ZC3H12B: variants seen among roughly 807,000 people sequenced by gnomAD.
ZC3H12B encodes the protein zinc finger CCCH-type containing 12B.
ZC3H12B carries 7 observed loss-of-function variants against 43.9 expected under a neutral mutation model. The ratio of observed to expected loss-of-function variants is 0.16; its 90% CI spans 0.09 to 0.30. The LOEUF is 0.30. Among genes scored for constraint, ZC3H12B ranks in the 10% least tolerant of loss-of-function variants. The probability of loss-of-function intolerance (pLI) is 1.00; values close to 1 mark genes in which losing one functional copy is unlikely to be tolerated. For missense variants in ZC3H12B, 475 were observed against 670.2 expected, an observed-to-expected ratio of 0.71 and a Z score of 3.22; for synonymous variants, 222 against 241.7, an observed-to-expected ratio of 0.92 and a Z score of 0.76.
At chrX:65,170,056 G>A in the ZC3H12B span, among the ~76,000 whole-genome samples, 1 of 111,868 alleles carries the variant, frequency 8.9e-6, no homozygotes, top group Non-Finnish European at 1.9e-5. Context: ...ATTGTTATGT[G>A]TGAATTTGAT....
intron 3 of ZC3H12B, among the ~76,000 whole-genome samples, chrX:65,467,578 A>G (rs1249570120): frequency 8.9e-6 from 1 of 112,329 alleles, no homozygotes; most frequent in Non-Finnish European, 1.9e-5. Flanking sequence ...GCAGCATATA[A>G]GCATTCTCTT....
the ZC3H12B span, among the ~76,000 whole-genome samples, chrX:65,097,764 AGAGT>A: frequency 3.6e-5 from 4 of 112,094 alleles, no homozygotes; most frequent in African/African-American, 1.3e-4. Context: ...TATTTTAAAA[AGAGT>A]GAGCCCATTA....
intron 3 of ZC3H12B, among the ~76,000 whole-genome samples, chrX:65,407,094 A>G (rs1602392463): frequency 1.8e-5 from 2 of 112,973 alleles, no homozygotes; most frequent in African/African-American, 6.4e-5. Flanking sequence ...ACCGAGGAAG[A>G]AAAGAAAGAA....
the ZC3H12B span, among the ~76,000 whole-genome samples, chrX:65,100,162 A>G: frequency 2.7e-4 from 30 of 111,504 alleles, no homozygotes; most frequent in Non-Finnish European, 2.3e-4. Flanking sequence ...TTAATGAAAT[A>G]AAGCATGAAG....
intron 2 of ZC3H12B, among the ~76,000 whole-genome samples, chrX:65,391,333 T>C (rs915850768): frequency 8.9e-6 from 1 of 112,592 alleles, no homozygotes; most frequent in African/African-American, 3.2e-5. Flanking sequence ...TACAGGCACA[T>C]TTACTGTTTC....
chrX:65,126,778 A>G, the ZC3H12B span, among the ~76,000 whole-genome samples: 201 of 105,323 alleles, frequency 1.9e-3, 1 homozygote, highest in African/African-American at 6.6e-3. Context: ...TGCTTGTTCA[A>G]TTCTATTGCT....
At chrX:65,299,865 C>T in the ZC3H12B span, among the ~76,000 whole-genome samples, 1 of 112,415 alleles carries the variant, frequency 8.9e-6, no homozygotes, top group East Asian at 2.8e-4. Context: ...ACGTCTACTC[C>T]CAAACACACA....
chrX:65,234,962 G>C, the ZC3H12B span, among the ~76,000 whole-genome samples: 1 of 112,008 alleles, frequency 8.9e-6, no homozygotes, highest in Non-Finnish European at 1.9e-5. Context: ...TGTTACTGCT[G>C]TTAGTTTGCT....
chrX:65,101,762 C>A, the ZC3H12B span, among the ~76,000 whole-genome samples: 7 of 111,721 alleles, frequency 6.3e-5, no homozygotes, highest in African/African-American at 2.3e-4. Context: ...ACCTACCAAC[C>A]AAAAAAGCCA....
chrX:65,425,875 G>A (rs1332338400), intron 3 of ZC3H12B, among the ~76,000 whole-genome samples: 1 of 111,528 alleles, frequency 9.0e-6, no homozygotes, highest in African/African-American at 3.3e-5. Flanking sequence ...GTGCTTTACT[G>A]AGGATTTTTG....
chrX:65,159,130 A>G, the ZC3H12B span, among the ~76,000 whole-genome samples: 6 of 111,567 alleles, frequency 5.4e-5, no homozygotes, highest in Non-Finnish European at 1.1e-4. Context: ...CCATTGGTCT[A>G]TGTCTCTGTT....
intron 3 of ZC3H12B, among the ~76,000 whole-genome samples, chrX:65,421,947 CAAA>C (rs113194708): frequency 2.8e-5 from 2 of 70,620 alleles, no homozygotes; most frequent in Admixed American, 1.8e-4. Flanking sequence ...GACTCCATCT[CAAA>C]AAAAAAAAAA....
chrX:65,386,496 C>T (rs1343596858), intron 2 of ZC3H12B, among the ~76,000 whole-genome samples: 2 of 111,370 alleles, frequency 1.8e-5, no homozygotes, highest in Admixed American at 9.5e-5. Flanking sequence ...GGTGATATCC[C>T]CTTTATCATT....
chrX:65,035,129 C>T, the ZC3H12B span, among the ~76,000 whole-genome samples: 1 of 112,481 alleles, frequency 8.9e-6, no homozygotes, highest in Non-Finnish European at 1.9e-5. Context: ...CCCAGCTCCT[C>T]TCTGGCCCCG....
intron 2 of ZC3H12B, among the ~76,000 whole-genome samples, chrX:65,396,289 G>T (rs1396616604): frequency 8.9e-6 from 1 of 111,887 alleles, no homozygotes; most frequent in Admixed American, 9.5e-5. Flanking sequence ...GTTGATTTTA[G>T]ATCTTTTCGG....
chrX:65,100,184 GA>G, the ZC3H12B span, among the ~76,000 whole-genome samples: 1 of 110,934 alleles, frequency 9.0e-6, no homozygotes, highest in East Asian at 2.8e-4. Flanking sequence ...CAAGATTAGA[GA>G]AAAAAGAATG....
At chrX:65,280,917 A>T in the ZC3H12B span, among the ~76,000 whole-genome samples, 1 of 112,343 alleles carries the variant, frequency 8.9e-6, no homozygotes, top group Non-Finnish European at 1.9e-5. Flanking sequence ...TTTTATGCTC[A>T]TGGATCTGGA....
At chrX:65,474,245 A>G (rs1219864608) in intron 3 of ZC3H12B, among the ~76,000 whole-genome samples, 2 of 111,411 alleles carry the variant, frequency 1.8e-5, no homozygotes, top group East Asian at 5.6e-4. Context: ...TAGAGTTTTA[A>G]ACATAAAATA....
At chrX:65,422,164 C>T (rs1025302451) in intron 3 of ZC3H12B, among the ~76,000 whole-genome samples, 1 of 111,070 alleles carries the variant, frequency 9.0e-6, no homozygotes, top group East Asian at 2.8e-4. Flanking sequence ...ATTCAATATA[C>T]GGTGCTCTTT....
Sources: allele counts gnomAD v4.1 joint callset (sites outside exome capture counted in the v4.1 genomes callset), GRCh38; gene constraint gnomAD v4.1.1; transcripts MANE v1.5; gene names NCBI Gene and HGNC (gene_info 2026-07-23, HGNC 2026-07-21).